Variants in PHACTR2 observed in about 807,000 individuals in gnomAD.
The protein encoded by PHACTR2 is phosphatase and actin regulator 2, also known as chromosome 6 open reading frame 56.
PHACTR2 carries 30 observed loss-of-function variants against 76.0 expected under a neutral mutation model. The observed-to-expected ratio is 0.39, with a 90% CI of 0.30 to 0.54. PHACTR2 has a LOEUF of 0.54. Ranked by LOEUF, PHACTR2 falls within the 20% of genes least tolerant of loss-of-function variation. The pLI is 0.61. For missense variants in PHACTR2, 696 were observed against 781.1 expected (o/e 0.89, Z 1.30); for synonymous variants, 292 against 292.5 (o/e 1.00, Z 0.02).
Position 143,684,101 on chromosome 6 carries a change from A to G in PHACTR2, c.46+5892A>G, listed in dbSNP as rs1777460346. Among the ~76,000 whole-genome samples, 2 of 152,152 alleles carry G rather than the reference A, an allele frequency of 1.3e-5. No individual in the cohort carries two copies. Among genetic ancestry groups the G allele is most frequent in the Non-Finnish European group, 2.9e-5 (2 of 68,034 alleles). On this transcript the variant is annotated intron_variant, in intron 1 of 12. Transcript: ENST00000440869. This position sits in a 1 kb window ranked among gnomAD's most constrained non-coding sequence, Gnocchi z 4.3. ...TTGTTCCTGGGTTCTTTGCATATGT[A>G]TATGCTCTTATGAACAATACTGAAA... is the stretch of plus-strand genomic sequence containing the variant.
rs73780460 is a variant in PHACTR2, at chr6:143,581,188, C to T, written c.217+43981C>T. On this transcript the variant is annotated intron_variant, in intron 1 of 11. Transcript: ENST00000367584. This position sits in a 1 kb window ranked among gnomAD's most constrained non-coding sequence, Gnocchi z 4.5. ...AATATTCTAGAACTTTACCCTTGTT[C>T]TCAAGTCTCCGTGTGGACAGGGGAT... Among the ~76,000 whole-genome samples, 2,147 of 152,298 alleles carry T rather than the reference C, an allele frequency of 0.014. 66 individuals are homozygous for T. The highest frequency in any genetic ancestry group is 0.048 in the African/African-American group (1,999 of 41,556).
In PHACTR2 at chr6:143,553,322, C is replaced by G. The variant is rs1775118832; in HGVS notation, c.217+16115C>G. Among the ~76,000 whole-genome samples the G allele has an allele frequency of 6.6e-6, 1 of 152,158 alleles. No individual in the cohort carries two copies. The highest frequency in any genetic ancestry group is 1.5e-5 in the Non-Finnish European group (1 of 68,022). On this transcript the variant is annotated intron_variant, in intron 1 of 11. Coordinates refer to the PHACTR2 transcript ENST00000367584. The surrounding 1 kb of genome is among the most constrained non-coding windows in gnomAD (Gnocchi z 4.2). ...GTGAACTGAACAACTTCAATTTGTACAGAAGTGACTGTGCATTTTAAAGAG... is the reference window on the plus strand; with the variant it reads ...GTGAACTGAACAACTTCAATTTGTAGAGAAGTGACTGTGCATTTTAAAGAG...
chr6:143,768,325 C>A (rs1002484022), intron 6 of PHACTR2, among the ~76,000 whole-genome samples: 1 of 152,134 alleles, frequency 6.6e-6, no homozygotes, highest in African/African-American at 2.4e-5. Context: ...CTTTTCTGTG[C>A]TGGGCAATGT....
In PHACTR2 at chr6:143,550,073, C is replaced by T. The variant is rs1394702235; in HGVS notation, c.217+12866C>T. On this transcript the variant is annotated intron_variant, in intron 1 of 11. Coordinates refer to the PHACTR2 transcript ENST00000367584. This position sits in a 1 kb window ranked among gnomAD's most constrained non-coding sequence, Gnocchi z 4.8. ...GCATCAGTGGACTACTCAAATCAAA[C>T]GTAATGGCCTGCTGACCAGAGCTCC... Among the ~76,000 whole-genome samples, 1 of 152,012 alleles carries T rather than the reference C, an allele frequency of 6.6e-6. No individual in the cohort carries two copies. The highest frequency in any genetic ancestry group is 2.4e-5 in the African/African-American group (1 of 41,418).
rs1389889614 is a variant in PHACTR2, at chr6:143,750,980, T to C, written c.295+1915T>C. Reference sequence around the variant, plus strand: ...AGGATGTCAGTAGTAAATGGAGTCCTTCCCCTTTTCAGCTGAGGGCTGGAG... The same window carrying C: ...AGGATGTCAGTAGTAAATGGAGTCCCTCCCCTTTTCAGCTGAGGGCTGGAG... On this transcript the variant is annotated intron_variant, in intron 3 of 12. Transcript: ENST00000440869. This position sits in a 1 kb window ranked among gnomAD's most constrained non-coding sequence, Gnocchi z 4.6. Among the ~76,000 whole-genome samples, 1 of 152,216 alleles carries C rather than the reference T, an allele frequency of 6.6e-6. No individual in the cohort carries two copies. Among genetic ancestry groups the C allele is most frequent in the Non-Finnish European group, 1.5e-5 (1 of 68,028 alleles).
chr6:143,771,220 A>ATATGTGTG (rs1562300961), intron 6 of PHACTR2, among the ~76,000 whole-genome samples: 1 of 101,530 alleles, frequency 9.8e-6, no homozygotes, highest in Non-Finnish European at 1.9e-5. Flanking sequence ...ATATATATAT[A>ATATGTGTG]TATATATATA....
chr6:143,814,594 A>AC (rs1316423047), intron 12 of PHACTR2, among the ~76,000 whole-genome samples: 1 of 131,174 alleles, frequency 7.6e-6, no homozygotes, highest in East Asian at 2.2e-4. Context: ...AGACATACAC[A>AC]CTTTTTTTTT....
intron 2 of PHACTR2, among the ~76,000 whole-genome samples, chr6:143,735,378 T>A (rs1216535762): frequency 6.6e-6 from 1 of 152,266 alleles, no homozygotes; most frequent in East Asian, 1.9e-4. Context: ...CTTTCTTGTC[T>A]GTTTTTCATT....
At chr6:143,667,150 C>T (rs761416691) in intron 1 of PHACTR2, among the ~76,000 whole-genome samples, 1 of 152,108 alleles carries the variant, frequency 6.6e-6, no homozygotes, top group Non-Finnish European at 1.5e-5. Flanking sequence ...TTCTCCATTG[C>T]TTGTTTTTGT....
rs149035343 is a variant in PHACTR2 at position 143,782,612 on chromosome 6, A to G, written c.1646-607A>G. Among the ~76,000 whole-genome samples, 1 of 152,334 alleles carries G rather than the reference A, an allele frequency of 6.6e-6. No individual in the cohort carries two copies. Among genetic ancestry groups the G allele is most frequent in the African/African-American group, 2.4e-5 (1 of 41,566 alleles). On this transcript the variant is annotated intron_variant, in intron 9 of 12. Coordinates refer to ENST00000440869, the MANE Select transcript of PHACTR2 (RefSeq NM_001100164.2). This position sits in a 1 kb window ranked among gnomAD's most constrained non-coding sequence, Gnocchi z 4.6. ...AGGCAAAGTCACAAGAAAATAAATA[A>G]TTTCCACCCAGAGTACATCATAACC...
intron 1 of PHACTR2, among the ~76,000 whole-genome samples, chr6:143,645,807 C>A (rs1776650800): frequency 6.6e-6 from 1 of 152,046 alleles, no homozygotes; most frequent in Non-Finnish European, 1.5e-5. Flanking sequence ...ATAGAATACA[C>A]AAAACTAAAT....
At chr6:143,716,988 T>C (rs1778317892) in intron 2 of PHACTR2, among the ~76,000 whole-genome samples, 1 of 152,194 alleles carries the variant, frequency 6.6e-6, no homozygotes, top group Non-Finnish European at 1.5e-5. Flanking sequence ...GATGGGACTT[T>C]GCTCCTGTCA....
intron 10 of PHACTR2, among the ~76,000 whole-genome samples, chr6:143,785,110 C>T (rs894606935): frequency 4.6e-5 from 7 of 152,114 alleles, no homozygotes; most frequent in Admixed American, 1.3e-4. Context: ...ATCCACAGTC[C>T]AAAGTCTCAT....
chr6:143,655,100 T>G (rs1285915324), intron 1 of PHACTR2, among the ~76,000 whole-genome samples: 1 of 140,706 alleles, frequency 7.1e-6, no homozygotes, highest in East Asian at 2.1e-4. Context: ...GAGGTTGCGG[T>G]GAGCCGAGAT....
chr6:143,658,218 C>G lies in PHACTR2; in HGVS notation c.13+49896C>G. Among the ~76,000 whole-genome samples, 1 of 152,256 alleles carries G rather than the reference C, an allele frequency of 6.6e-6. No homozygotes were observed. The highest frequency in any genetic ancestry group is 1.5e-5 in the Non-Finnish European group (1 of 68,004). On this transcript the variant is annotated intron_variant, in intron 1 of 11. Transcript: ENST00000305766. This position sits in a 1 kb window ranked among gnomAD's most constrained non-coding sequence, Gnocchi z 4.1. ...AACATTACAGAAACTGCCAGACTAA[C>G]CTGAGCTTCAACAACAAATGTGATT...
chr6:143,595,662 C>T lies in PHACTR2; in HGVS notation c.217+58455C>T, dbSNP rs1375805950. On this transcript the variant is annotated intron_variant, in intron 1 of 11. Transcript: ENST00000367584. This position sits in a 1 kb window ranked among gnomAD's most constrained non-coding sequence, Gnocchi z 4.2. ...AAATTGTATCCAAATTTCAAGGGAACAGAGTCCTACATTAGTTCCAGTACC... is the reference window on the plus strand; with the variant it reads ...AAATTGTATCCAAATTTCAAGGGAATAGAGTCCTACATTAGTTCCAGTACC... Among the ~76,000 whole-genome samples the T allele has an allele frequency of 2.6e-5, 4 of 152,152 alleles. No individual in the cohort carries two copies. Among genetic ancestry groups the T allele is most frequent in the Non-Finnish European group, 5.9e-5 (4 of 68,024 alleles).
At chr6:143,771,823 A>T (rs1775159732) in intron 6 of PHACTR2, among the ~76,000 whole-genome samples, 1 of 152,110 alleles carries the variant, frequency 6.6e-6, no homozygotes, top group Non-Finnish European at 1.5e-5. Flanking sequence ...TTTTCCAGGA[A>T]CTTGTGGGAT....
In PHACTR2 at chr6:143,648,650, T is replaced by C. The variant is rs574019280; in HGVS notation, c.13+40328T>C. 7.9e-5 allele frequency among the ~76,000 whole-genome samples: 12 copies of C among 152,298 alleles called. No individual in the cohort carries two copies. The highest frequency in any genetic ancestry group is 2.9e-4 in the African/African-American group (12 of 41,560). On this transcript the variant is annotated intron_variant, in intron 1 of 11. Transcript: ENST00000305766. The surrounding 1 kb of genome is among the most constrained non-coding windows in gnomAD (Gnocchi z 6.7). ...GGTTTAAAGTGCTCTGAAGCACTGA[T>C]ACTGTAAATGTGGCATGCTAGCATA...
At chr6:143,762,838 A>G (rs1330832001) in intron 5 of PHACTR2, among the ~76,000 whole-genome samples, 2 of 152,200 alleles carry the variant, frequency 1.3e-5, no homozygotes, top group Non-Finnish European at 2.9e-5. Flanking sequence ...ATTGTTACAC[A>G]TTATTAACAA....
Sources: gnomAD v4.1 joint callset for allele counts (sites outside exome capture counted in the v4.1 genomes callset) on GRCh38, gnomAD v4.1.1 for gene constraint, Gnocchi (gnomAD v3.1) non-coding constraint, MANE v1.5 for transcripts, NCBI Gene and HGNC (gene_info 2026-07-23, HGNC 2026-07-21) for gene names.